The following MXRA7 variants were observed in gnomAD, a reference collection of about 807,000 sequenced individuals.
MXRA7 encodes the protein matrix remodeling associated 7.
MXRA7 carries 18 observed loss-of-function variants against 17.4 expected under a neutral mutation model. The observed-to-expected ratio is 1.03, with a 90% confidence interval of 0.71 to 1.53. MXRA7 has a LOEUF of 1.53. Ranked by LOEUF, MXRA7 falls within the 40% of genes most tolerant of loss-of-function variation. The pLI is 0.00. For synonymous variants in MXRA7, 70 were observed against 101.7 expected, an observed-to-expected ratio of 0.69 and a Z score of 1.87; for missense variants, 141 against 209.3, an observed-to-expected ratio of 0.67 and a Z score of 2.01.
At chr17:76,690,203 C>T (rs1295727785) in intron 1 of MXRA7, 1 of 151,992 alleles carries the variant, frequency 6.6e-6, no homozygotes, top group Non-Finnish European at 1.5e-5. Flanking sequence ...GAAGGGCCCA[C>T]GAGAAACTGT....
At position 76,683,065 on chromosome 17, in the gene MXRA7, G is replaced by A. The variant is rs80319477; in HGVS notation, c.500+2007C>T. Among the ~76,000 whole-genome samples, 1,786 of 152,280 alleles carry A rather than the reference G, an allele frequency of 0.012. 74 individuals are homozygous for A. The East Asian group carries it at 0.12, about 10-fold the overall frequency. ...GGCAGTGGCAGTTTCACCCCCAGCC[G>A]GAGGCCTGGTCTTTCTTGTTCTAAG... On this transcript the variant is annotated intron_variant, in intron 3 of 3. Transcript: ENST00000449428.
intron 1 of MXRA7, among the ~76,000 whole-genome samples, chr17:76,704,817 T>C (rs11868414): frequency 0.47 from 69,475 of 148,360 alleles, 16,309 homozygotes; most frequent in Admixed American, 0.48. Flanking sequence ...CTGGAAACAG[T>C]TCTGCATGAG....
At chr17:76,699,997 TCA>T (rs2143661766) in intron 1 of MXRA7, among the ~76,000 whole-genome samples, 1 of 152,328 alleles carries the variant, frequency 6.6e-6, no homozygotes, top group East Asian at 1.9e-4. Flanking sequence ...TCTCACTCTG[TCA>T]CCCAGGTTGG....
intron 1 of MXRA7, among the ~76,000 whole-genome samples, chr17:76,706,230 GCCGTCACAGAGGCCCACT>G: frequency 8.6e-6 from 1 of 116,108 alleles, no homozygotes; most frequent in African/African-American, 3.0e-5. Flanking sequence ...GGCCCACTCT[GCCGTCACAGAGGCCCACT>G]CTGCCATCAC....
Position 76,684,038 on chromosome 17 carries a change from G to A in MXRA7, c.500+1034C>T, listed in dbSNP as rs114504194. 2.9e-3 allele frequency: 2,456 copies of A among 852,642 alleles called. 35 individuals carry two copies. In the African/African-American group the frequency reaches 0.034, roughly 12 times the overall value. 52.8% of individuals were successfully genotyped at this position (852,642 alleles called of 1,614,324 possible). On this transcript the variant is annotated intron_variant, in intron 3 of 3. Transcript: ENST00000449428. ...CCTCCTGGCTGTGCTTACACTGCCC[G>A]CCCCCCACCCACCCAGGGTGAAGAG...
chr17:76,691,663 CA>C (rs2076479853), intron 1 of MXRA7, among the ~76,000 whole-genome samples: 2 of 152,074 alleles, frequency 1.3e-5, no homozygotes, highest in Admixed American at 6.6e-5. Context: ...GGGCTGGCTG[CA>C]TATTTGGTAT....
chr17:76,678,987 T>C (rs998823730), downstream of MXRA7, among the ~76,000 whole-genome samples: 1 of 152,130 alleles, frequency 6.6e-6, no homozygotes, highest in Non-Finnish European at 1.5e-5. Flanking sequence ...GATGTGTGCT[T>C]TGTGCCCTCC....
intron 1 of MXRA7, among the ~76,000 whole-genome samples, chr17:76,704,670 A>C (rs1164464529): frequency 1.3e-5 from 2 of 150,448 alleles, no homozygotes; most frequent in Non-Finnish European, 3.0e-5. Context: ...CTGTAATCCC[A>C]GCTATTTGGG....
At chr17:76,675,783 C>CA (rs67600886), downstream of MXRA7, 134,846 of 152,150 alleles carry the variant, frequency 0.89, 60,200 homozygotes, top group East Asian at 1. Flanking sequence ...GAATGGTCAG[C>CA]AAGAAACAAA....
intron 1 of MXRA7, among the ~76,000 whole-genome samples, chr17:76,707,948 G>A (rs1268195693): frequency 6.6e-6 from 1 of 152,220 alleles, no homozygotes; most frequent in East Asian, 1.9e-4. Context: ...TAATCCTTAG[G>A]AGAGAAAAGA....
chr17:76,688,305 C>T (rs768919543), intron 1 of MXRA7, 129 bp from the exon 2 acceptor site: 21 of 1,495,854 alleles, frequency 1.4e-5, no homozygotes, highest in East Asian at 2.4e-5. Context: ...GTGGCAGCGC[C>T]TGCCCTGTGG....
downstream of MXRA7, among the ~76,000 whole-genome samples, chr17:76,677,896 T>C (rs1031972623): frequency 1.3e-5 from 2 of 152,180 alleles, no homozygotes; most frequent in Non-Finnish European, 2.9e-5. Flanking sequence ...CACGCAACTT[T>C]TGAGGGCTCT....
rs555058230 is a variant in MXRA7, at chr17:76,680,493, G to T, written c.*374C>A. 40 of 1,007,198 alleles carry T rather than the reference G, an allele frequency of 4.0e-5. No individual in the cohort carries two copies. The South Asian group carries it at 1.6e-3, about 41-fold the overall frequency. The allele number at this position is 1,007,198 out of a possible 1,614,324, so 62.4% of individuals were successfully genotyped here. ...AGTGAGGGCAAAAGAGGGGAGACTG[G>T]AGTGAAAGTGAACTCTGCTTTTAAA... On this transcript the variant is annotated 3_prime_UTR_variant, in exon 4 of 4. Coordinates refer to ENST00000449428, the MANE Select transcript of MXRA7 (RefSeq NM_198530.4).
Position 76,700,175 on chromosome 17 carries a change from T to C in MXRA7, c.342+10430A>G, listed in dbSNP as rs576871964. 3.4e-4 allele frequency among the ~76,000 whole-genome samples: 52 copies of C among 152,324 alleles called. No homozygotes were observed. The South Asian group carries it at 8.5e-3, about 25-fold the overall frequency. On this transcript the variant is annotated intron_variant, in intron 1 of 3. Coordinates refer to ENST00000449428, the MANE Select transcript of MXRA7 (RefSeq NM_198530.4). The stretch of plus-strand genomic sequence containing the variant: ...TTAGTACAGACTGGGTTTTGCCACG[T>C]TGGCCAGGCTGGTCTCGAACTCCTG...
chr17:76,697,666 G>A (rs1003029430), intron 1 of MXRA7, among the ~76,000 whole-genome samples: 10 of 152,172 alleles, frequency 6.6e-5, no homozygotes, highest in Admixed American at 1.3e-4. Context: ...AGGTGGAGGC[G>A]GGAGGGGGAA....
downstream of MXRA7, chr17:76,677,637 T>G (rs1433070800): frequency 6.2e-7 from 1 of 1,613,774 alleles, no homozygotes; most frequent in Middle Eastern, 1.6e-4. Flanking sequence ...GTCGGACATC[T>G]CGCCAAACGT....
At position 76,706,321 on chromosome 17, in the gene MXRA7, CAA is replaced by C. The variant is rs1485733918; in HGVS notation, c.342+4282_342+4283del. Among the ~76,000 whole-genome samples, 261 of 92,602 alleles carry C rather than the reference CAA, an allele frequency of 2.8e-3. 91 individuals carry two copies. The highest frequency in any genetic ancestry group is 4.7e-3 in the Non-Finnish European group (186 of 39,954). The allele number at this position is 92,602 out of a possible 152,430, so 60.8% of individuals were successfully genotyped here. On this transcript the variant is annotated intron_variant, in intron 1 of 3. Transcript: ENST00000449428. ...GTCACAGAGGCCCACGCTGCCATCA[CAA>C]AGGACCACGCTGCCATCACAGAGGC...
At chr17:76,694,196 C>T (rs994663787) in intron 1 of MXRA7, among the ~76,000 whole-genome samples, 4 of 152,124 alleles carry the variant, frequency 2.6e-5, no homozygotes, top group Non-Finnish European at 5.9e-5. Context: ...TGGAGAGACT[C>T]GTTGGAGAGC....
downstream of MXRA7, chr17:76,679,437 T>A (rs2076269871): frequency 4.9e-6 from 1 of 204,460 alleles, no homozygotes. Flanking sequence ...GCATATTTTT[T>A]AACAGGGTGG....
Sources: allele counts gnomAD v4.1 joint callset (sites outside exome capture counted in the v4.1 genomes callset), GRCh38; gene constraint gnomAD v4.1.1; transcripts MANE v1.5; gene names NCBI Gene and HGNC (gene_info 2026-07-23, HGNC 2026-07-21).